The following PDE8B variants were observed in gnomAD, a reference collection of about 807,000 sequenced individuals.
PDE8B encodes the protein phosphodiesterase 8B.
PDE8B carries 26 observed loss-of-function variants against 101.3 expected under a neutral mutation model. That is an observed-to-expected ratio of 0.26 (90% CI 0.19 to 0.36). PDE8B has a LOEUF of 0.36. Ranked by LOEUF, PDE8B falls within the 10% of genes least tolerant of loss-of-function variation. PDE8B has a pLI of 1.00. For missense variants in PDE8B, 810 were observed against 1,163.1 expected (o/e 0.70, Z 4.42); for synonymous variants, 424 against 429.3 (o/e 0.99, Z 0.15).
chr5:77,185,959 T>C, the PDE8B span, among the ~76,000 whole-genome samples: 3 of 152,212 alleles, frequency 2.0e-5, no homozygotes, highest in African/African-American at 7.2e-5. Context: ...CCAGTAGTAT[T>C]CCTCATCTGT....
chr5:77,393,250 T>G (rs1790316836), intron 10 of PDE8B, among the ~76,000 whole-genome samples: 1 of 151,970 alleles, frequency 6.6e-6, no homozygotes, highest in African/African-American at 2.4e-5. Flanking sequence ...AAAAATTAGC[T>G]GGGTGTGGTG....
intron 1 of PDE8B, among the ~76,000 whole-genome samples, chr5:77,251,847 ATTTG>A (rs753687005): frequency 1.3e-5 from 2 of 152,186 alleles, no homozygotes; most frequent in African/African-American, 4.8e-5. Context: ...TAGAATTTTA[ATTTG>A]TTTCTTTTTC....
At chr5:77,411,422 C>T (rs1794542237) in intron 14 of PDE8B, among the ~76,000 whole-genome samples, 1 of 152,152 alleles carries the variant, frequency 6.6e-6, no homozygotes, top group South Asian at 2.1e-4. Context: ...AGCCAACCCA[C>T]AGCTCACTGT....
At position 77,413,129 on chromosome 5, in the gene PDE8B, C is replaced by A. The variant is rs781228712; in HGVS notation, c.1731C>A (p.Gly577=). Residue 577 remains glycine, a synonymous_variant, in exon 17 of 22, where the codon GGC becomes GGA. Transcript: ENST00000264917. ...ITHKRPLVYL[G]LKVFSRFGVC... ...TTTTCAGGCCATTGGTTTATCTGGG[C>A]TTAAAGGTCTTCTCTCGGTTTGGAG... 6.2e-7 allele frequency: 1 copy of A among 1,613,946 alleles called. No homozygotes were observed.
chr5:77,374,707 T>A (rs1479492083), intron 10 of PDE8B, among the ~76,000 whole-genome samples: 1 of 152,208 alleles, frequency 6.6e-6, no homozygotes, highest in Non-Finnish European at 1.5e-5. Flanking sequence ...CGGTTACTGT[T>A]TTTGCCTTAA....
the PDE8B span, among the ~76,000 whole-genome samples, chr5:77,097,361 T>C: frequency 6.6e-6 from 1 of 152,072 alleles, no homozygotes; most frequent in African/African-American, 2.4e-5. Context: ...TGCTTGAAGC[T>C]TAGCTGATCT....
intron 1 of PDE8B, among the ~76,000 whole-genome samples, chr5:77,269,189 A>G (rs1354222555): frequency 6.6e-6 from 1 of 152,098 alleles, no homozygotes; most frequent in Non-Finnish European, 1.5e-5. Context: ...GTGAGATGAT[A>G]TCTCATTGTA....
intron 1 of PDE8B, among the ~76,000 whole-genome samples, chr5:77,231,241 G>A (rs1247527898): frequency 6.6e-6 from 1 of 152,206 alleles, no homozygotes; most frequent in East Asian, 1.9e-4. Flanking sequence ...AGATACAGCA[G>A]ACAGTGTGGA....
At chr5:77,379,316 A>G (rs759864576) in intron 10 of PDE8B, among the ~76,000 whole-genome samples, 7 of 152,258 alleles carry the variant, frequency 4.6e-5, no homozygotes, top group Non-Finnish European at 1.0e-4. Flanking sequence ...CTGGGGGAAA[A>G]AAACAGCTTG....
chr5:77,282,810 G>A (rs251416), intron 1 of PDE8B, among the ~76,000 whole-genome samples: 24,228 of 151,964 alleles, frequency 0.16, 2,272 homozygotes, highest in Non-Finnish European at 0.21. Context: ...ATGGCTGGTA[G>A]AGCTGTGCTG....
chr5:77,325,195 G>T (rs554045324), intron 2 of PDE8B, among the ~76,000 whole-genome samples: 1 of 152,244 alleles, frequency 6.6e-6, no homozygotes, highest in East Asian at 1.9e-4. Flanking sequence ...TTTAGACAGG[G>T]TCTCACTCTG....
At chr5:77,330,859 C>T (rs1776983697) in intron 4 of PDE8B, among the ~76,000 whole-genome samples, 1 of 152,166 alleles carries the variant, frequency 6.6e-6, no homozygotes. Flanking sequence ...AGCAAACCCT[C>T]TTGTGAAATG....
chr5:77,304,810 G>C (rs141297414), intron 1 of PDE8B, among the ~76,000 whole-genome samples: 2 of 152,168 alleles, frequency 1.3e-5, no homozygotes, highest in East Asian at 3.9e-4. Flanking sequence ...TGTTTGGGGG[G>C]GATAATTCAC....
At chr5:77,400,880 A>G (rs1181841477) in intron 11 of PDE8B, among the ~76,000 whole-genome samples, 1 of 152,210 alleles carries the variant, frequency 6.6e-6, no homozygotes, top group East Asian at 1.9e-4. Context: ...AGGGAAAAAA[A>G]ATCAGTCTGC....
the PDE8B span, among the ~76,000 whole-genome samples, chr5:77,097,719 A>ATCTATC: frequency 3.5e-4 from 15 of 43,222 alleles, no homozygotes; most frequent in Admixed American, 1.2e-3. Context: ...ATATATATAT[A>ATCTATC]TATATATATA....
Position 77,427,401 on chromosome 5 carries a change from TAAA to T in PDE8B, c.*862_*864del, listed in dbSNP as rs10536220. The stretch of plus-strand genomic sequence containing the variant: ...TGAATGCCCTTGGACAAGCTTTTCT[TAAA>T]AAAAAAAAAAAAAAGTTTATATACA... On this transcript the variant is annotated 3_prime_UTR_variant, in exon 22 of 22. Coordinates refer to ENST00000264917, the MANE Select transcript of PDE8B (RefSeq NM_003719.5). 509 of 144,414 alleles carry T rather than the reference TAAA, an allele frequency of 3.5e-3. 1 individual carries two copies. The highest frequency in any genetic ancestry group is 7.7e-3 in the African/African-American group (307 of 40,048). The allele number at this position is 144,414 out of a possible 1,614,324, so 8.9% of individuals were successfully genotyped here.
intron 1 of PDE8B, among the ~76,000 whole-genome samples, chr5:77,265,448 C>G (rs557932357): frequency 4.6e-5 from 7 of 152,282 alleles, no homozygotes; most frequent in African/African-American, 1.7e-4. Flanking sequence ...ATAACAATTT[C>G]TGTGCTCTTT....
chr5:77,297,193 A>G (rs1375015957), intron 1 of PDE8B, among the ~76,000 whole-genome samples: 1 of 152,214 alleles, frequency 6.6e-6, no homozygotes, highest in Non-Finnish European at 1.5e-5. Flanking sequence ...TCTCAAGATA[A>G]CAGCATTAAT....
chr5:77,289,607 C>T (rs552037192), intron 1 of PDE8B, among the ~76,000 whole-genome samples: 2 of 152,300 alleles, frequency 1.3e-5, no homozygotes, highest in African/African-American at 2.4e-5. Context: ...CACTTATGTG[C>T]GACCTTGGAC....
Sources: allele counts gnomAD v4.1 joint callset (sites outside exome capture counted in the v4.1 genomes callset), GRCh38; gene constraint gnomAD v4.1.1; transcripts MANE v1.5; gene names NCBI Gene and HGNC (gene_info 2026-07-23, HGNC 2026-07-21).